Variants in LPP observed in about 807,000 individuals in gnomAD.
LPP encodes lipoma-preferred partner.
LPP carries 38 observed loss-of-function variants against 60.4 expected under a neutral mutation model. The ratio of observed to expected loss-of-function variants is 0.63; its 90% CI spans 0.49 to 0.83. LPP has a LOEUF of 0.83. Ranked by LOEUF, LPP falls within the 40% of genes least tolerant of loss-of-function variation. The pLI is 0.00. For synonymous variants in LPP, 328 were observed against 290.8 expected, an observed-to-expected ratio of 1.13 and a Z score of -1.30; for missense variants, 902 against 783.6, an observed-to-expected ratio of 1.15 and a Z score of -1.80.
At chr3:188,653,592 T>C (rs952466126) in intron 7 of LPP, among the ~76,000 whole-genome samples, 5 of 152,156 alleles carry the variant, frequency 3.3e-5, no homozygotes, top group African/African-American at 7.2e-5. Flanking sequence ...TGAAAGATAA[T>C]TGAAAGTCTG....
At chr3:188,351,214 T>C (rs1765738529) in intron 3 of LPP, among the ~76,000 whole-genome samples, 1 of 152,204 alleles carries the variant, frequency 6.6e-6, no homozygotes, top group South Asian at 2.1e-4. Context: ...TGTTCTGCAA[T>C]AGTTTTTCTC....
chr3:188,799,232 C>G (rs1746279451), intron 9 of LPP, among the ~76,000 whole-genome samples: 1 of 152,240 alleles, frequency 6.6e-6, no homozygotes, highest in Non-Finnish European at 1.5e-5. Flanking sequence ...CTAATAAAGT[C>G]TTGACTTCAT....
chr3:188,620,766 C>T (rs955128922), intron 7 of LPP, among the ~76,000 whole-genome samples: 1 of 152,190 alleles, frequency 6.6e-6, no homozygotes, highest in Admixed American at 6.5e-5. Flanking sequence ...TTCCCACCAG[C>T]AGGGTATGAG....
At chr3:188,345,542 G>T (rs1440064471) in intron 3 of LPP, among the ~76,000 whole-genome samples, 1 of 152,090 alleles carries the variant, frequency 6.6e-6, no homozygotes. Context: ...TAAGCAAGAG[G>T]ACAGAAGAAT....
intron 9 of LPP, among the ~76,000 whole-genome samples, chr3:188,865,683 G>T (rs1766394291): frequency 6.7e-6 from 1 of 150,284 alleles, no homozygotes; most frequent in South Asian, 2.1e-4. Flanking sequence ...CCCATTGTCT[G>T]TTTTTTTTTT....
intron 4 of LPP, among the ~76,000 whole-genome samples, chr3:188,424,384 A>T (rs1788720631): frequency 6.6e-6 from 1 of 152,208 alleles, no homozygotes; most frequent in Non-Finnish European, 1.5e-5. Context: ...GAAGTCAGGT[A>T]GCATGATGCC....
intron 1 of LPP, among the ~76,000 whole-genome samples, chr3:188,186,225 C>T (rs73190760): frequency 0.022 from 3,299 of 152,310 alleles, 49 homozygotes; most frequent in Middle Eastern, 0.044. Flanking sequence ...CAGTGCTGCA[C>T]AGCCTGAGAT....
Position 188,177,808 on chromosome 3 carries a change from G to A in LPP, c.-190+23556G>A, listed in dbSNP as rs1044244479. On this transcript the variant is annotated intron_variant, in intron 1 of 11. Coordinates refer to ENST00000617246, the MANE Select transcript of LPP (RefSeq NM_001375462.1). ...CACCAAAGAGCTGGAAAGGAATGAGGGCTGGAGAGATGGAGCTGCCCTGAG... is the reference window on the plus strand; with the variant it reads ...CACCAAAGAGCTGGAAAGGAATGAGAGCTGGAGAGATGGAGCTGCCCTGAG... Among the ~76,000 whole-genome samples, 32 of 152,120 alleles carry A rather than the reference G, an allele frequency of 2.1e-4. 1 individual carries two copies. Among genetic ancestry groups the A allele is most frequent in the African/African-American group, 7.2e-4 (30 of 41,426 alleles).
chr3:188,747,055 G>T (rs1440508552), intron 8 of LPP, among the ~76,000 whole-genome samples: 1 of 152,144 alleles, frequency 6.6e-6, no homozygotes, highest in Non-Finnish European at 1.5e-5. Flanking sequence ...TTGATTCGGT[G>T]TATTTATTTT....
rs1725440350 is a variant in LPP at position 188,182,771 on chromosome 3, GTGCATATATAA to G, written c.-190+28521_-190+28531del. Among the ~76,000 whole-genome samples the G allele has an allele frequency of 6.7e-6, 1 of 148,790 alleles. No homozygotes were observed. The highest frequency in any genetic ancestry group is 1.5e-5 in the Non-Finnish European group (1 of 67,470). On this transcript the variant is annotated intron_variant, in intron 1 of 11. Transcript: ENST00000617246. The surrounding 1 kb of genome is among the most constrained non-coding windows in gnomAD (Gnocchi z 4.4). ...ACATATATGTACATATATTATATAT[GTGCATATATAA>G]TATATGTACATATACAATATATGCA...
chr3:188,495,179 T>C (rs1266775029), intron 5 of LPP, among the ~76,000 whole-genome samples: 2 of 7,398 alleles, frequency 2.7e-4, no homozygotes, highest in Non-Finnish European at 7.6e-4. Flanking sequence ...TATTTATAAA[T>C]ATATAATATA....
chr3:188,368,931 A>G (rs1482201626), intron 3 of LPP, among the ~76,000 whole-genome samples: 1 of 152,210 alleles, frequency 6.6e-6, no homozygotes, highest in Non-Finnish European at 1.5e-5. Context: ...GTCACCCGCC[A>G]CATTTTATCT....
At chr3:188,638,879 T>C (rs2148716845) in intron 7 of LPP, among the ~76,000 whole-genome samples, 1 of 152,016 alleles carries the variant, frequency 6.6e-6, no homozygotes, top group African/African-American at 2.4e-5. Context: ...TACAAACAAA[T>C]GGAAGAACAT....
At position 188,804,083 on chromosome 3, in the gene LPP, A is replaced by G. The variant is rs557236805; in HGVS notation, c.1410+43801A>G. ...CTTTTACAAATGGTGATTTAAAAATATGCAATTTCAAGTATTCATTGCTAC... is the reference window on the plus strand; with the variant it reads ...CTTTTACAAATGGTGATTTAAAAATGTGCAATTTCAAGTATTCATTGCTAC... On this transcript the variant is annotated intron_variant, in intron 9 of 11. Transcript: ENST00000617246. 2.6e-5 allele frequency among the ~76,000 whole-genome samples: 4 copies of G among 151,188 alleles called. No individual in the cohort carries two copies. The East Asian group carries it at 5.8e-4, about 22-fold the overall frequency.
At chr3:188,710,104 T>C (rs1866317040) in intron 8 of LPP, 1 of 152,142 alleles carries the variant, frequency 6.6e-6, no homozygotes. Flanking sequence ...TGCACAGGAT[T>C]TTTGCTTCTT....
intron 1 of LPP, among the ~76,000 whole-genome samples, chr3:188,156,719 A>C: frequency 6.6e-6 from 1 of 151,964 alleles, no homozygotes; most frequent in East Asian, 1.9e-4. Flanking sequence ...CTGTAGTAGT[A>C]CCAGCTGCTT....
rs9834301 is a variant in LPP at position 188,457,671 on chromosome 3, T to G, written c.194-26921T>G. 4.6e-5 allele frequency among the ~76,000 whole-genome samples: 7 copies of G among 150,626 alleles called. No individual in the cohort carries two copies. In the South Asian group the frequency reaches 1.5e-3, roughly 32 times the overall value. On this transcript the variant is annotated intron_variant, in intron 4 of 11. Coordinates refer to ENST00000617246, the MANE Select transcript of LPP (RefSeq NM_001375462.1). ...ACTTTGGGAGGCCAAGGGGAGCAGA[T>G]CACGAGGTCAGGAGATCGAGATCAT... is the stretch of plus-strand genomic sequence containing the variant.
chr3:188,847,560 A>G (rs1009848017), intron 9 of LPP, among the ~76,000 whole-genome samples: 53 of 152,368 alleles, frequency 3.5e-4, no homozygotes, highest in African/African-American at 1.2e-3. Context: ...AAAAGTACTT[A>G]TAGGTCAGGA....
At chr3:188,677,198 C>T (rs1431814574) in intron 7 of LPP, among the ~76,000 whole-genome samples, 2 of 152,128 alleles carry the variant, frequency 1.3e-5, no homozygotes, top group Non-Finnish European at 2.9e-5. Context: ...ACTTGTGACC[C>T]ACAGAAACTG....
Sources: allele counts gnomAD v4.1 joint callset (sites outside exome capture counted in the v4.1 genomes callset), GRCh38; gene constraint gnomAD v4.1.1; non-coding constraint Gnocchi (gnomAD v3.1); transcripts MANE v1.5; gene names NCBI Gene and HGNC (gene_info 2026-07-23, HGNC 2026-07-21).